The following HEMGN variants were observed in gnomAD, a reference collection of about 807,000 sequenced individuals.
HEMGN encodes erythroid differentiation-associated gene protein.
A neutral mutation model predicts 45.7 loss-of-function variants in HEMGN; 32 were observed. That is an observed-to-expected ratio of 0.70 (90% CI 0.53 to 0.94). HEMGN has a LOEUF of 0.94. Among genes scored for constraint, HEMGN ranks in the 40% least tolerant of loss-of-function variants. The pLI, the probability that HEMGN is intolerant of heterozygous loss-of-function variation, is 0.00. For synonymous variants in HEMGN, 183 were observed against 178.6 expected, an observed-to-expected ratio of 1.02 and a Z score of -0.20; for missense variants, 530 against 564.2, an observed-to-expected ratio of 0.94 and a Z score of 0.61.
At chr9:97,935,730 C>G (rs117207697) in intron 2 of HEMGN, among the ~76,000 whole-genome samples, 7 of 152,152 alleles carry the variant, frequency 4.6e-5, no homozygotes, top group Non-Finnish European at 1.0e-4. Context: ...TCATTTACAG[C>G]GAATGTTTTG....
chr9:97,936,216 CT>C lies in HEMGN; in HGVS notation c.127del (p.Arg43GlufsTer42). ...TTCCTTTTCATGCACTTCAGCTTTT[CT>C]TTTTCTAAGTAGTTCTCTGTTTCTC... ...SLRNRELLRK[R>X]KAEVHEKETS... On this transcript the variant is annotated frameshift_variant, in exon 2 of 4. Coordinates refer to ENST00000616898, the MANE Select transcript of HEMGN (RefSeq NM_197978.3). LOFTEE classifies it high-confidence loss of function. The C allele has an allele frequency of 6.2e-7, 1 of 1,613,334 alleles. No homozygotes were observed. The highest frequency in any genetic ancestry group is 8.5e-7 in the Non-Finnish European group (1 of 1,179,682).
chr9:97,936,886 T>C (rs2131556822), intron 1 of HEMGN, among the ~76,000 whole-genome samples: 1 of 152,332 alleles, frequency 6.6e-6, no homozygotes, highest in South Asian at 2.1e-4. Context: ...TTTTCTTTGG[T>C]ATTTTTTCCT....
intron 2 of HEMGN, among the ~76,000 whole-genome samples, chr9:97,933,265 C>T (rs1332987867): frequency 6.6e-6 from 1 of 152,130 alleles, no homozygotes; most frequent in Admixed American, 6.5e-5. Flanking sequence ...TAAATTAGGA[C>T]TCATATGAAT....
At position 97,931,122 on chromosome 9, in the gene HEMGN, C is replaced by G; in HGVS notation, c.273G>C (p.Gln91His). The G allele has an allele frequency of 6.2e-7, 1 of 1,614,138 alleles. No homozygotes were observed. The highest frequency in any genetic ancestry group is 8.5e-7 in the Non-Finnish European group (1 of 1,180,038). Residue 91 changes from glutamine (Q) to histidine (H), a missense_variant, in exon 3 of 4, where the codon CAG becomes CAC. Gln to His is a conservative substitution (Grantham distance 24). Coordinates refer to ENST00000616898, the MANE Select transcript of HEMGN (RefSeq NM_197978.3). ...NTELKVEPQP[Q>H]IEKEIVEKAL... ...CTTTCTCCACTATTTCCTTTTCTATCTGTGGCTGAGGCTCCACCTTCAATT... is the reference window on the plus strand; with the variant it reads ...CTTTCTCCACTATTTCCTTTTCTATGTGTGGCTGAGGCTCCACCTTCAATT...
chr9:97,935,767 C>G (rs1485382790), intron 2 of HEMGN, among the ~76,000 whole-genome samples: 2 of 152,196 alleles, frequency 1.3e-5, no homozygotes, highest in East Asian at 3.8e-4. Flanking sequence ...GTTAATCACA[C>G]TCATTCAGTA....
intron 1 of HEMGN, among the ~76,000 whole-genome samples, chr9:97,944,420 T>C (rs1827194030): frequency 6.6e-6 from 1 of 152,226 alleles, no homozygotes; most frequent in African/African-American, 2.4e-5. Flanking sequence ...TGCCAGTTCT[T>C]TCTTCCCAGT....
At chr9:97,941,652 G>A (rs1202841127), upstream of HEMGN, among the ~76,000 whole-genome samples, 7 of 152,206 alleles carry the variant, frequency 4.6e-5, no homozygotes, top group Non-Finnish European at 1.0e-4. Context: ...TGGAAGGATG[G>A]AGTTAGCATT....
At chr9:97,938,251 G>A (rs1294385740), upstream of HEMGN, 2 of 703,834 alleles carry the variant, frequency 2.8e-6, no homozygotes, top group Non-Finnish European at 5.0e-6. Flanking sequence ...ACACAAGTTT[G>A]CCTGTCACTT....
rs200370725 is a variant in HEMGN, at chr9:97,936,959, CT to C, written c.80-696del. On this transcript the variant is annotated intron_variant, in intron 1 of 3. Transcript: ENST00000616898. The stretch of plus-strand genomic sequence containing the variant: ...GGTTTGATCAAAAAAGTTTCTGCTG[CT>C]GTCTAAGGTTGAGAAAAATTGATGA... Among the ~76,000 whole-genome samples the C allele has an allele frequency of 5.3e-3, 801 of 152,180 alleles. 4 individuals carry two copies. The highest frequency in any genetic ancestry group is 0.014 in the Middle Eastern group (4 of 294).
At chr9:97,941,372 C>T (rs952043625), upstream of HEMGN, among the ~76,000 whole-genome samples, 2 of 152,092 alleles carry the variant, frequency 1.3e-5, no homozygotes, top group African/African-American at 4.8e-5. Flanking sequence ...GATTTCTACT[C>T]TGAGTGAGAT....
chr9:97,933,931 A>G (rs372655737), intron 2 of HEMGN, among the ~76,000 whole-genome samples: 2 of 152,230 alleles, frequency 1.3e-5, no homozygotes, highest in African/African-American at 4.8e-5. Flanking sequence ...TGATTCTGTT[A>G]GCACACTGAG....
chr9:97,938,191 G>T (rs1462591147), upstream of HEMGN: 1 of 1,147,904 alleles, frequency 8.7e-7, no homozygotes, highest in Non-Finnish European at 1.3e-6. Flanking sequence ...CAGCCTAGAT[G>T]CTTTTTTAAA....
At position 97,931,234 on chromosome 9, in the gene HEMGN, C is replaced by T. The variant is rs184320063; in HGVS notation, c.174-13G>A. ...TTTTTTCTGTTCTCTGCAGAAAGAA[C>T]AGAATTAGTGTCAGCAGTGGTACTA... On this transcript the variant is annotated splice_polypyrimidine_tract_variant and intron_variant, in intron 2 of 3. Coordinates refer to ENST00000616898, the MANE Select transcript of HEMGN (RefSeq NM_197978.3). 3 of 1,580,594 alleles carry T rather than the reference C, an allele frequency of 1.9e-6. No individual in the cohort carries two copies. The East Asian group carries it at 6.7e-5, about 35-fold the overall frequency.
Position 97,931,489 on chromosome 9 carries a change from C to T in HEMGN, c.174-268G>A, listed in dbSNP as rs1239981322. Among the ~76,000 whole-genome samples the T allele has an allele frequency of 2.0e-5, 3 of 152,176 alleles. No homozygotes were observed. In the East Asian group the frequency reaches 5.8e-4, roughly 29 times the overall value. On this transcript the variant is annotated intron_variant, in intron 2 of 3. Coordinates refer to ENST00000616898, the MANE Select transcript of HEMGN (RefSeq NM_197978.3). ...CTTCTTGGTGAGGGTAGTGCATGCGCGTATGCGTGCGTGCGTGTGTTATAG... is the reference window on the plus strand; with the variant it reads ...CTTCTTGGTGAGGGTAGTGCATGCGTGTATGCGTGCGTGCGTGTGTTATAG...
upstream of HEMGN, among the ~76,000 whole-genome samples, chr9:97,940,609 A>G (rs1328907099): frequency 6.6e-6 from 1 of 152,202 alleles, no homozygotes; most frequent in Non-Finnish European, 1.5e-5. Context: ...TTCTAGTTAG[A>G]AATTTAGTTA....
At position 97,930,240 on chromosome 9, in the gene HEMGN, G is replaced by A. The variant is rs756056267; in HGVS notation, c.1155C>T (p.Tyr385=). 4.8e-5 allele frequency: 78 copies of A among 1,613,930 alleles called. No homozygotes were observed. The highest frequency in any genetic ancestry group is 6.4e-5 in the Non-Finnish European group (76 of 1,180,014). The change falls in exon 3 of 4, where the codon TAC becomes TAT. Residue 385 remains tyrosine, a synonymous_variant. Coordinates refer to ENST00000616898, the MANE Select transcript of HEMGN (RefSeq NM_197978.3). The part of the protein sequence containing the change: ...PGLEEYSPEI[Y]QETSQLEEYS... ...ATTCTTCAAGCTGGGATGTTTCTTG[G>A]TATATTTCAGGTGAATATTCTTCAA...
chr9:97,941,679 T>C (rs887585080), upstream of HEMGN, among the ~76,000 whole-genome samples: 2 of 152,176 alleles, frequency 1.3e-5, no homozygotes, highest in Non-Finnish European at 2.9e-5. Context: ...TCAGGAAGAT[T>C]GGGAGAAGCA....
chr9:97,942,274 CTTTTTTTTTTTT>C, upstream of HEMGN, among the ~76,000 whole-genome samples: 1 of 128,184 alleles, frequency 7.8e-6, no homozygotes, highest in Admixed American at 8.3e-5. Context: ...CTAATTCCTT[CTTTTTTTTTTTT>C]TTTTTTTTGT....
At chr9:97,928,278 G>A (rs977149695) in intron 3 of HEMGN, among the ~76,000 whole-genome samples, 1 of 151,616 alleles carries the variant, frequency 6.6e-6, no homozygotes, top group Non-Finnish European at 1.5e-5. Context: ...CGCCCACCTC[G>A]GCCTCCCAAC....
Sources: allele counts gnomAD v4.1 joint callset (sites outside exome capture counted in the v4.1 genomes callset), GRCh38; gene constraint gnomAD v4.1.1; transcripts MANE v1.5; gene names NCBI Gene and HGNC (gene_info 2026-07-23, HGNC 2026-07-21).